The following CADPS2 variants were observed in gnomAD, a reference collection of about 807,000 sequenced individuals.
CADPS2 encodes the protein calcium-dependent secretion activator 2.
In CADPS2, 93 loss-of-function variants were observed where a neutral mutation model predicts 172.5. The ratio of observed to expected loss-of-function variants is 0.54; its 90% CI spans 0.46 to 0.64. CADPS2 has a LOEUF of 0.64. Among genes scored for constraint, CADPS2 ranks in the 30% least tolerant of loss-of-function variants. The pLI is 0.00. For missense variants in CADPS2, 1,420 were observed against 1,565.9 expected (o/e 0.91, Z 1.57); for synonymous variants, 546 against 555.2 (o/e 0.98, Z 0.23).
At chr7:122,881,174 T>G (rs1223897899) in intron 1 of CADPS2, among the ~76,000 whole-genome samples, 3 of 152,152 alleles carry the variant, frequency 2.0e-5, no homozygotes, top group African/African-American at 7.2e-5. Context: ...AAAGTATGAA[T>G]GAAGAGAGCT....
intron 7 of CADPS2, among the ~76,000 whole-genome samples, chr7:122,555,755 G>T (rs948647978): frequency 1.3e-5 from 2 of 152,052 alleles, no homozygotes; most frequent in Non-Finnish European, 2.9e-5. Context: ...GTCTCAAGTT[G>T]TTAGGGATAG....
intron 11 of CADPS2, among the ~76,000 whole-genome samples, chr7:122,488,655 GT>G (rs1345956282): frequency 6.6e-6 from 1 of 152,180 alleles, no homozygotes; most frequent in Non-Finnish European, 1.5e-5. Context: ...TAGGCTAGAT[GT>G]TACATTCAAT....
At chr7:122,515,833 AAAAAT>A (rs1385671490) in intron 8 of CADPS2, among the ~76,000 whole-genome samples, 8 of 134,970 alleles carry the variant, frequency 5.9e-5, no homozygotes, top group East Asian at 2.4e-4. Flanking sequence ...AAATTAATTA[AAAAAT>A]AATAATAATT....
chr7:122,820,013 T>C (rs1584622650), intron 1 of CADPS2, among the ~76,000 whole-genome samples: 1 of 152,226 alleles, frequency 6.6e-6, no homozygotes, highest in Middle Eastern at 3.4e-3. Context: ...AATTCCCCCA[T>C]TTTACCTGTC....
At chr7:122,512,902 A>G (rs2060105292) in intron 9 of CADPS2, among the ~76,000 whole-genome samples, 2 of 152,110 alleles carry the variant, frequency 1.3e-5, no homozygotes. Flanking sequence ...TTTTTCTCCC[A>G]TTAGTATAAA....
intron 1 of CADPS2, among the ~76,000 whole-genome samples, chr7:122,774,249 T>C (rs1042521417): frequency 2.1e-5 from 3 of 145,204 alleles, no homozygotes; most frequent in Admixed American, 1.4e-4. Flanking sequence ...CAAATATATA[T>C]ATATAGACAT....
intron 1 of CADPS2, among the ~76,000 whole-genome samples, chr7:122,880,895 A>C (rs1822754492): frequency 6.6e-6 from 1 of 152,206 alleles, no homozygotes; most frequent in African/African-American, 2.4e-5. Flanking sequence ...TCCCACTGAT[A>C]TGTCCACTAT....
chr7:122,619,264 T>C (rs2075307073), intron 5 of CADPS2, among the ~76,000 whole-genome samples: 1 of 152,134 alleles, frequency 6.6e-6, no homozygotes, highest in African/African-American at 2.4e-5. Context: ...TGTTTACATA[T>C]AAAGATAATG....
intron 1 of CADPS2, among the ~76,000 whole-genome samples, chr7:122,790,413 A>G (rs903036192): frequency 2.6e-5 from 4 of 151,854 alleles, no homozygotes; most frequent in Non-Finnish European, 4.4e-5. Flanking sequence ...AAAAAAAAAA[A>G]AAAGAAAAGA....
At chr7:122,345,909 C>T (rs538712262) in intron 27 of CADPS2, among the ~76,000 whole-genome samples, 4 of 122,382 alleles carry the variant, frequency 3.3e-5, no homozygotes, top group Admixed American at 3.0e-4. Flanking sequence ...GTTGTAGATC[C>T]GTAGATATCT....
chr7:122,361,234 TTTTTTTTTTTTTAA>T (rs2040086887), intron 25 of CADPS2, among the ~76,000 whole-genome samples: 1 of 138,604 alleles, frequency 7.2e-6, no homozygotes, highest in Non-Finnish European at 1.5e-5. Flanking sequence ...CTTTTTTTTT[TTTTTTTTTTTTTAA>T]AATGAGATGG....
At chr7:122,417,374 CTG>C (rs951159471) in intron 17 of CADPS2, among the ~76,000 whole-genome samples, 1 of 152,166 alleles carries the variant, frequency 6.6e-6, no homozygotes, top group Non-Finnish European at 1.5e-5. Flanking sequence ...CATTGCTCCT[CTG>C]TGACAAGGTT....
intron 27 of CADPS2, among the ~76,000 whole-genome samples, chr7:122,351,837 CTA>C (rs1475733815): frequency 6.6e-6 from 1 of 152,136 alleles, no homozygotes; most frequent in Non-Finnish European, 1.5e-5. Context: ...ATGTTTCACA[CTA>C]TTTCTTCTAA....
chr7:122,389,221 C>T (rs2044071127), intron 22 of CADPS2, among the ~76,000 whole-genome samples: 1 of 151,938 alleles, frequency 6.6e-6, no homozygotes, highest in South Asian at 2.1e-4. Context: ...TTGAATTTCT[C>T]AATTACAGGT....
intron 8 of CADPS2, among the ~76,000 whole-genome samples, chr7:122,528,824 C>T (rs958891619): frequency 2.0e-5 from 3 of 152,070 alleles, no homozygotes; most frequent in Admixed American, 1.3e-4. Context: ...TTTGATTATT[C>T]ATAAACTACT....
intron 3 of CADPS2, among the ~76,000 whole-genome samples, chr7:122,658,681 A>G (rs978127825): frequency 2.0e-5 from 3 of 152,184 alleles, no homozygotes; most frequent in Admixed American, 6.5e-5. Flanking sequence ...TGGGAATTGA[A>G]CAATGAGAAC....
At chr7:122,687,739 T>C (rs1588427258) in intron 2 of CADPS2, among the ~76,000 whole-genome samples, 2 of 152,112 alleles carry the variant, frequency 1.3e-5, no homozygotes, top group East Asian at 3.8e-4. Context: ...GTGACAAAAA[T>C]ATCTTATAAC....
chr7:122,545,263 G>C (rs1056637948), intron 8 of CADPS2, among the ~76,000 whole-genome samples: 2 of 152,170 alleles, frequency 1.3e-5, no homozygotes, highest in African/African-American at 4.8e-5. Flanking sequence ...CGGAGAGTCT[G>C]CTTCTGAGGA....
intron 4 of CADPS2, 76 bp downstream of exon 4, chr7:122,629,172 C>T: frequency 1.7e-6 from 2 of 1,167,538 alleles, no homozygotes; most frequent in Non-Finnish European, 2.4e-6. Flanking sequence ...TTAACCTATA[C>T]AAAACACTTT....
Sources: gnomAD v4.1 joint callset for allele counts (sites outside exome capture counted in the v4.1 genomes callset) on GRCh38, gnomAD v4.1.1 for gene constraint, MANE v1.5 for transcripts, NCBI Gene and HGNC (gene_info 2026-07-23, HGNC 2026-07-21) for gene names.